Variants in THUMPD3 observed in about 807,000 individuals in gnomAD.
The protein encoded by THUMPD3 is tRNA (guanine(6)-N(2))-methyltransferase THUMP3.
In THUMPD3, 44 loss-of-function variants were observed where a neutral mutation model predicts 54.5. That is an observed-to-expected ratio of 0.81 (90% CI 0.63 to 1.04). The LOEUF (loss-of-function observed/expected upper bound fraction) is 1.04. Ranked by LOEUF, THUMPD3 falls within the 50% of genes least tolerant of loss-of-function variation. The probability of loss-of-function intolerance (pLI) is 0.00; values close to 1 mark genes in which losing one functional copy is unlikely to be tolerated. For missense variants in THUMPD3, 604 were observed against 601.3 expected (o/e 1.00, Z -0.05); for synonymous variants, 196 against 201.4 (o/e 0.97, Z 0.23).
chr3:9,374,095 T>C (rs2032267987), intron 4 of THUMPD3, among the ~76,000 whole-genome samples: 1 of 152,204 alleles, frequency 6.6e-6, no homozygotes, highest in Non-Finnish European at 1.5e-5. Context: ...CAATCACTAA[T>C]CTGACTGCTA....
intron 5 of THUMPD3, among the ~76,000 whole-genome samples, chr3:9,375,771 C>T (rs2032415626): frequency 6.6e-6 from 1 of 152,190 alleles, no homozygotes; most frequent in Non-Finnish European, 1.5e-5. Flanking sequence ...TGTGGTATCT[C>T]CTATTGCTCC....
At chr3:9,377,368 G>C (rs2032542318) in intron 5 of THUMPD3, among the ~76,000 whole-genome samples, 1 of 151,964 alleles carries the variant, frequency 6.6e-6, no homozygotes, top group African/African-American at 2.4e-5. Context: ...ATTATAAATT[G>C]ATTTTATTTA....
Position 9,384,192 on chromosome 3 carries a change from C to A in THUMPD3, c.1236-20C>A. 6.2e-7 allele frequency: 1 copy of A among 1,611,968 alleles called. No homozygotes were observed. Among genetic ancestry groups the A allele is most frequent in the South Asian group, 1.1e-5 (1 of 90,684 alleles). On this transcript the variant is annotated intron_variant, in intron 8 of 9. Transcript: ENST00000452837. ...TTGTATCTTTTGCAAGTGTTTGACT[C>A]ATGAGACCTTCTATTATAGGATGGG...
At chr3:9,378,066 G>A (rs914158892) in intron 6 of THUMPD3, among the ~76,000 whole-genome samples, 178 bp downstream of exon 6, 1 of 152,168 alleles carries the variant, frequency 6.6e-6, no homozygotes, top group South Asian at 2.1e-4. Context: ...TTATTTCAAA[G>A]AGCCATGTGC....
chr3:9,386,546 G>A lies in THUMPD3; in HGVS notation c.*1858G>A, dbSNP rs1160902896. On this transcript the variant is annotated 3_prime_UTR_variant, in exon 10 of 10. Coordinates refer to ENST00000452837, the MANE Select transcript of THUMPD3 (RefSeq NM_001114092.2). The stretch of plus-strand genomic sequence containing the variant: ...CTATTACATACTACAATAAAAATTT[G>A]ACAAGACTGATACAAATATGTAGTG... 4 of 152,078 alleles carry A rather than the reference G, an allele frequency of 2.6e-5. No individual in the cohort carries two copies. The highest frequency in any genetic ancestry group is 2.1e-4 in the South Asian group (1 of 4,832). The allele number at this position is 152,078 out of a possible 1,614,324, so 9.4% of individuals were successfully genotyped here.
chr3:9,377,180 T>G (rs2032517258), intron 5 of THUMPD3, among the ~76,000 whole-genome samples: 1 of 152,050 alleles, frequency 6.6e-6, no homozygotes, highest in African/African-American at 2.4e-5. Flanking sequence ...AAAACAACAC[T>G]GTTGTCAAAA....
chr3:9,383,879 C>T (rs2033116066), intron 8 of THUMPD3, among the ~76,000 whole-genome samples: 1 of 152,206 alleles, frequency 6.6e-6, no homozygotes, highest in Non-Finnish European at 1.5e-5. Context: ...GCCTCAGCCT[C>T]CCAAACTGCT....
chr3:9,364,878 T>G, intron 1 of THUMPD3, 138 bp from the exon 2 acceptor site: 4 of 636,562 alleles, frequency 6.3e-6, no homozygotes, highest in Non-Finnish European at 1.0e-5. Context: ...GTGCCCATGT[T>G]TATTCAACCC....
chr3:9,371,219 G>A lies in THUMPD3; in HGVS notation c.490G>A (p.Val164Ile). Residue 164 changes from valine to isoleucine, a missense_variant, in exon 4 of 10, where the codon GTC (valine) becomes ATC (isoleucine). By Grantham distance (29) the Val-to-Ile change is conservative (BLOSUM62 3). Transcript: ENST00000452837. ...AGAGAAGATTAATAATGGACAAGAAGTCAAAATCGATCAGAGAAATGTTAA... is the reference window on the plus strand; with the variant it reads ...AGAGAAGATTAATAATGGACAAGAAATCAAAATCGATCAGAGAAATGTTAA... The part of the protein sequence containing the change: ...SKEKINNGQE[V>I]KIDQRNVKKE... 2 of 1,611,438 alleles carry A rather than the reference G, an allele frequency of 1.2e-6. No individual in the cohort carries two copies. Among genetic ancestry groups the A allele is most frequent in the South Asian group, 1.1e-5 (1 of 90,046 alleles).
intron 8 of THUMPD3, 139 bp from the exon 9 acceptor site, chr3:9,384,073 C>A: frequency 1.9e-6 from 2 of 1,039,930 alleles, no homozygotes; most frequent in Non-Finnish European, 2.8e-6. Flanking sequence ...ATTTCATAGA[C>A]ATGTAATGGC....
chr3:9,365,303 G>A lies in THUMPD3; in HGVS notation c.235G>A (p.Val79Met), dbSNP rs2031446768. 1 of 1,614,206 alleles carries A rather than the reference G, an allele frequency of 6.2e-7. No individual in the cohort carries two copies. Among genetic ancestry groups the A allele is most frequent in the Non-Finnish European group, 8.5e-7 (1 of 1,180,030 alleles). ...TGGCAAGATATATTTTGTCATTTCA[G>A]TGGAAAGTCTGGCACAGGTTTGAAT... ...DRGKIYFVIS[V>M]ESLAQVHCLR... Residue 79 changes from valine to methionine, a missense_variant, in exon 2 of 10, where the codon GTG (valine) becomes ATG (methionine). Coordinates refer to ENST00000452837, the MANE Select transcript of THUMPD3 (RefSeq NM_001114092.2).
chr3:9,381,848 C>T lies in THUMPD3; in HGVS notation c.1124+1230C>T, dbSNP rs369138339. Among the ~76,000 whole-genome samples, 206 of 127,228 alleles carry T rather than the reference C, an allele frequency of 1.6e-3. 4 individuals carry two copies. In the East Asian group the frequency reaches 0.033, roughly 20 times the overall value. The allele number at this position is 127,228 out of a possible 152,430, so 83.5% of individuals were successfully genotyped here. ...AGGCTGGAGTGCAGTGGCTTGATCT[C>T]GGCTCACTGCAAGCTCCGCCTCCCG... On this transcript the variant is annotated intron_variant, in intron 7 of 9. Transcript: ENST00000452837.
chr3:9,374,435 G>T (rs139692692), intron 4 of THUMPD3, 81 bp from the exon 5 acceptor site: 1 of 1,538,750 alleles, frequency 6.5e-7, no homozygotes, highest in Non-Finnish European at 8.8e-7. Flanking sequence ...GGGGTGAACC[G>T]GCCCAGGTCA....
intron 4 of THUMPD3, among the ~76,000 whole-genome samples, chr3:9,373,812 C>A (rs1480354443): frequency 6.6e-6 from 1 of 152,122 alleles, no homozygotes; most frequent in Non-Finnish European, 1.5e-5. Flanking sequence ...CTCCCAGGCT[C>A]AGGCTGTCCT....
intron 6 of THUMPD3, among the ~76,000 whole-genome samples, chr3:9,379,381 T>G (rs1231839211): frequency 2.6e-5 from 4 of 152,148 alleles, no homozygotes; most frequent in Non-Finnish European, 4.4e-5. Flanking sequence ...CTCAAGTGTC[T>G]GGGCAAAAGA....
chr3:9,363,478 G>T (rs192088284), intron 1 of THUMPD3: 1 of 152,290 alleles, frequency 6.6e-6, no homozygotes, highest in Non-Finnish European at 1.5e-5. Flanking sequence ...AACTGACGTA[G>T]TGTTAAACAC....
intron 3 of THUMPD3, 70 bp from the exon 4 acceptor site, chr3:9,370,990 C>A (rs1327019361): frequency 2.6e-5 from 34 of 1,327,692 alleles, no homozygotes; most frequent in Non-Finnish European, 3.4e-5. Context: ...TGTCCATAAG[C>A]AAAGTAGAGG....
At position 9,384,888 on chromosome 3, in the gene THUMPD3, G is replaced by A. The variant is rs2033226884; in HGVS notation, c.*200G>A. On this transcript the variant is annotated 3_prime_UTR_variant, in exon 10 of 10. Transcript: ENST00000452837. ...AGACCAGGCACAGTGGCTCACGACT[G>A]TAATTCCAGCAGTTTAGGAAGCCGA... 3.4e-6 allele frequency: 2 copies of A among 593,276 alleles called. No individual in the cohort carries two copies. Among genetic ancestry groups the A allele is most frequent in the Non-Finnish European group, 5.7e-6 (2 of 348,142 alleles). 36.8% of individuals were successfully genotyped at this position (593,276 alleles called of 1,614,324 possible). A position where few individuals can be genotyped will look rare whatever the true frequency, so the allele number is the denominator to read the frequency against.
intron 3 of THUMPD3, 141 bp from the exon 4 acceptor site, chr3:9,370,919 G>A (rs543037400): frequency 4.4e-6 from 3 of 688,398 alleles, no homozygotes; most frequent in African/African-American, 3.6e-5. Flanking sequence ...GGACTTTTGA[G>A]CATCTTTGGG....
Sources: allele counts gnomAD v4.1 joint callset (sites outside exome capture counted in the v4.1 genomes callset), GRCh38; gene constraint gnomAD v4.1.1; transcripts MANE v1.5; gene names NCBI Gene and HGNC (gene_info 2026-07-23, HGNC 2026-07-21).